The following ARID1B variants were observed in gnomAD, a reference collection of about 807,000 sequenced individuals.
ARID1B encodes AT-rich interactive domain-containing protein 1B.
A neutral mutation model predicts 212.3 loss-of-function variants in ARID1B; 30 were observed. The ratio of observed to expected loss-of-function variants is 0.14; its 90% CI spans 0.11 to 0.19. The LOEUF is 0.19. ARID1B is among the 10% of genes least tolerant of loss of function. ARID1B has a pLI of 1.00. For missense variants in ARID1B, 2,891 were observed against 3,204.0 expected (o/e 0.90, Z 2.36); for synonymous variants, 1,402 against 1,301.7 (o/e 1.08, Z -1.66).
At chr6:156,913,852 C>A (rs972736385) in intron 3 of ARID1B, among the ~76,000 whole-genome samples, 3 of 149,264 alleles carry the variant, frequency 2.0e-5, no homozygotes, top group African/African-American at 7.4e-5. Flanking sequence ...AACCAGCCAA[C>A]CCCAGCCCAT....
chr6:157,086,313 A>G (rs1784965581), intron 5 of ARID1B, among the ~76,000 whole-genome samples: 1 of 152,164 alleles, frequency 6.6e-6, no homozygotes, highest in African/African-American at 2.4e-5. Flanking sequence ...TTTCAAAGAT[A>G]TATGTTTGTC....
intron 5 of ARID1B, among the ~76,000 whole-genome samples, chr6:157,100,394 G>C (rs543520814): frequency 6.6e-6 from 1 of 152,172 alleles, no homozygotes; most frequent in African/African-American, 2.4e-5. Context: ...ACCACTAAGC[G>C]GAAGCCTGAG....
At position 157,062,246 on chromosome 6, in the gene ARID1B, C is replaced by CTGA. The variant is rs1783387526; in HGVS notation, c.2248-22414_2248-22413insATG. 1.3e-5 allele frequency among the ~76,000 whole-genome samples: 2 copies of CTGA among 151,736 alleles called. 1 individual carries two copies. The highest frequency in any genetic ancestry group is 4.1e-4 in the South Asian group (2 of 4,822). ...ACAGAGCCTCCCTCTGTCACCCAGG[C>CTGA]TGGAGTACAGTGGCGCCATAGCTCA... On this transcript the variant is annotated intron_variant, in intron 4 of 19. Transcript: ENST00000636930.
intron 4 of ARID1B, among the ~76,000 whole-genome samples, chr6:156,995,815 A>G (rs62422645): frequency 0.28 from 42,045 of 152,132 alleles, 6,054 homozygotes; most frequent in Non-Finnish European, 0.31. Flanking sequence ...ACGCACGGTT[A>G]AATTTGAATT....
chr6:156,999,361 A>G lies in ARID1B; in HGVS notation c.2247+63785A>G, dbSNP rs559842169. On this transcript the variant is annotated intron_variant, in intron 4 of 19. Coordinates refer to ENST00000636930, the MANE Select transcript of ARID1B (RefSeq NM_001374828.1). ...GATTTCTGTGAATTATAATTTCCTC[A>G]TGTATAAAACGAAGGTCACAATCCC... Among the ~76,000 whole-genome samples the G allele has an allele frequency of 2.0e-5, 3 of 152,366 alleles. No individual in the cohort carries two copies. In the East Asian group the frequency reaches 5.8e-4, roughly 29 times the overall value.
intron 1 of ARID1B, among the ~76,000 whole-genome samples, chr6:156,795,110 C>T (rs188185972): frequency 5.3e-5 from 8 of 151,236 alleles, no homozygotes; most frequent in East Asian, 1.9e-4. Context: ...CCAGGGTGGC[C>T]GTGAACTAGT....
intron 5 of ARID1B, among the ~76,000 whole-genome samples, chr6:157,088,770 A>G (rs1221917560): frequency 6.6e-6 from 1 of 152,124 alleles, no homozygotes; most frequent in Non-Finnish European, 1.5e-5. Context: ...TTATATTTAA[A>G]TGGTGTGTAT....
At chr6:157,054,736 A>G (rs1562581598) in intron 4 of ARID1B, among the ~76,000 whole-genome samples, 1 of 152,220 alleles carries the variant, frequency 6.6e-6, no homozygotes, top group African/African-American at 2.4e-5. Context: ...TCACTGTTAC[A>G]GGGGTGATTG....
At chr6:157,108,062 A>G (rs1786619147) in intron 5 of ARID1B, 1 of 152,244 alleles carries the variant, frequency 6.6e-6, no homozygotes, top group South Asian at 2.1e-4. Context: ...TTACTGAATC[A>G]TAGTAACTAT....
intron 1 of ARID1B, among the ~76,000 whole-genome samples, chr6:156,824,105 TAGAG>T (rs1051858021): frequency 2.8e-4 from 43 of 152,112 alleles, no homozygotes; most frequent in Non-Finnish European, 4.7e-4. Flanking sequence ...ATTTCTTCCT[TAGAG>T]AGAGAGAGAA....
Position 157,207,761 on chromosome 6 carries a change from G to C in ARID1B, c.6989G>C (p.Arg2330Thr), listed in dbSNP as rs763772159. 1 of 1,579,544 alleles carries C rather than the reference G, an allele frequency of 6.3e-7. No homozygotes were observed. The highest frequency in any genetic ancestry group is 1.1e-5 in the South Asian group (1 of 87,642). The change falls in exon 20 of 20, where the codon AGA becomes ACA. Residue 2330 changes from arginine (R) to threonine (T), a missense_variant. This residue lies in a region of ARID1B where 187 missense variants were observed against 306.5 expected (regional missense o/e 0.61). Coordinates refer to ENST00000636930, the MANE Select transcript of ARID1B (RefSeq NM_001374828.1). The surrounding 1 kb of genome is among the most constrained non-coding windows in gnomAD (Gnocchi z 8.5). ...GCCAAGGCTTTGCTAGCCATGGCCA[G>C]AGTGGACGAAAACCGCTCGGAATTC... ...RAAKALLAMA[R>T]VDENRSEFLL... is the part of the protein sequence containing the mutation.
chr6:157,189,307 T>C (rs554343925), intron 13 of ARID1B, among the ~76,000 whole-genome samples: 2 of 152,228 alleles, frequency 1.3e-5, no homozygotes, highest in South Asian at 4.1e-4. Flanking sequence ...AACACTCTTC[T>C]GCCTAAAGCC....
Position 157,190,217 on chromosome 6 carries a change from G to A in ARID1B, c.4231+7G>A, listed in dbSNP as rs2128340068. On this transcript the variant is annotated splice_region_variant and intron_variant, in intron 15 of 19. Transcript: ENST00000636930. The surrounding 1 kb of genome is among the most constrained non-coding windows in gnomAD (Gnocchi z 4.6). ...TTTGGGGGAATGAGAAAAGGTACGTGTAGAGGGGCCTCCACCCGGCCATGG... is the reference window on the plus strand; with the variant it reads ...TTTGGGGGAATGAGAAAAGGTACGTATAGAGGGGCCTCCACCCGGCCATGG... The A allele has an allele frequency of 1.2e-6, 2 of 1,603,744 alleles. No individual in the cohort carries two copies. Among genetic ancestry groups the A allele is most frequent in the South Asian group, 1.1e-5 (1 of 89,954 alleles).
chr6:156,987,698 G>C (rs929654669), intron 4 of ARID1B, among the ~76,000 whole-genome samples: 6 of 152,050 alleles, frequency 3.9e-5, no homozygotes, highest in African/African-American at 1.4e-4. Flanking sequence ...CTTAGCTTGT[G>C]GAATCTTTTG....
At chr6:157,193,953 G>A (rs1291438823) in intron 15 of ARID1B, 1 of 152,212 alleles carries the variant, frequency 6.6e-6, no homozygotes, top group African/African-American at 2.4e-5. Flanking sequence ...CTCAACAAAA[G>A]CATGTGAGAG....
At position 156,795,940 on chromosome 6, in the gene ARID1B, G is replaced by A. The variant is rs184694105; in HGVS notation, c.1791+16469G>A. Among the ~76,000 whole-genome samples the A allele has an allele frequency of 2.8e-3, 429 of 152,230 alleles. 1 individual carries two copies. The highest frequency in any genetic ancestry group is 4.9e-3 in the Non-Finnish European group (333 of 68,028). ...ACAAGGGGTGTAAGTTAAATTTCAC[G>A]TAAGCGGTCCTGCTGGGGTTCCTGC... is the stretch of plus-strand genomic sequence containing the variant. On this transcript the variant is annotated intron_variant, in intron 1 of 19. Transcript: ENST00000636930.
chr6:156,792,483 T>C (rs9397968), intron 1 of ARID1B, among the ~76,000 whole-genome samples: 11,861 of 152,328 alleles, frequency 0.078, 638 homozygotes, highest in East Asian at 0.27. Flanking sequence ...TTTGGATTTT[T>C]ATTAGACAAA....
At chr6:156,856,700 T>TCTCTCTCTCACA (rs1168465535) in intron 2 of ARID1B, among the ~76,000 whole-genome samples, 1 of 114,648 alleles carries the variant, frequency 8.7e-6, no homozygotes, top group African/African-American at 3.5e-5. Flanking sequence ...TCTCTCTCTC[T>TCTCTCTCTCACA]CACACACACA....
At chr6:157,039,492 G>A (rs181027018) in intron 4 of ARID1B, among the ~76,000 whole-genome samples, 2,880 of 151,314 alleles carry the variant, frequency 0.019, 104 homozygotes, top group African/African-American at 0.066. Context: ...CACCGCGCCC[G>A]GCTAATTTTT....
Sources: gnomAD v4.1 joint callset for allele counts (sites outside exome capture counted in the v4.1 genomes callset) on GRCh38, gnomAD v4.1.1 for gene constraint, gnomAD v4.1.1 regional missense constraint, Gnocchi (gnomAD v3.1) non-coding constraint, MANE v1.5 for transcripts, NCBI Gene and HGNC (gene_info 2026-07-23, HGNC 2026-07-21) for gene names.